Variants in NUBPL observed in about 807,000 individuals in gnomAD.
NUBPL encodes iron-sulfur cluster transfer protein NUBPL.
A neutral mutation model predicts 45.7 loss-of-function variants in NUBPL; 31 were observed. That is an observed-to-expected ratio of 0.68 (90% confidence interval 0.51 to 0.92). NUBPL has a LOEUF of 0.92. NUBPL is among the 40% of genes least tolerant of loss of function. The pLI is 0.00. For synonymous variants in NUBPL, 144 were observed against 140.9 expected, an observed-to-expected ratio of 1.02 and a Z score of -0.15; for missense variants, 401 against 398.7, an observed-to-expected ratio of 1.01 and a Z score of -0.05.
At chr14:31,838,279 C>CAAAAAAAAAAAAAAAAAAA (rs748313330) in intron 8 of NUBPL, among the ~76,000 whole-genome samples, 8 of 60,254 alleles carry the variant, frequency 1.3e-4, no homozygotes, top group African/African-American at 2.0e-4. Context: ...TAATATCCAG[C>CAAAAAAAAAAAAAAAAAAA]AAAAAAAAAA....
intron 6 of NUBPL, among the ~76,000 whole-genome samples, chr14:31,709,278 G>A (rs1238058689): frequency 1.3e-5 from 2 of 152,184 alleles, no homozygotes; most frequent in African/African-American, 4.8e-5. Context: ...AGCCGCTCGA[G>A]GGAGGCAGAA....
At chr14:31,737,648 G>C (rs1004967462) in intron 6 of NUBPL, among the ~76,000 whole-genome samples, 1 of 152,168 alleles carries the variant, frequency 6.6e-6, no homozygotes, top group African/African-American at 2.4e-5. Context: ...GCCGGGCATG[G>C]TGGCAGGTGC....
At chr14:31,686,853 C>A (rs1270836003) in intron 6 of NUBPL, 1 of 152,258 alleles carries the variant, frequency 6.6e-6, no homozygotes, top group African/African-American at 2.4e-5. Flanking sequence ...CTGTGGCTCA[C>A]ACCTGTAATC....
intron 8 of NUBPL, chr14:31,845,775 C>T (rs925204953): frequency 1.3e-5 from 2 of 150,482 alleles, no homozygotes; most frequent in Non-Finnish European, 3.0e-5. Flanking sequence ...ACAAACACTT[C>T]GTTATTTTAG....
At chr14:31,691,829 C>T (rs1595500771) in intron 6 of NUBPL, among the ~76,000 whole-genome samples, 1 of 152,134 alleles carries the variant, frequency 6.6e-6, no homozygotes, top group African/African-American at 2.4e-5. Flanking sequence ...ACCTCTGCAG[C>T]TTCTTCTGAA....
intron 8 of NUBPL, among the ~76,000 whole-genome samples, chr14:31,837,496 C>T (rs1030901028): frequency 3.3e-5 from 5 of 152,008 alleles, no homozygotes; most frequent in African/African-American, 4.8e-5. Context: ...CATGGAAATA[C>T]GAACCACAAA....
intron 4 of NUBPL, among the ~76,000 whole-genome samples, chr14:31,657,435 G>A (rs1018803962): frequency 1.3e-5 from 2 of 152,012 alleles, no homozygotes; most frequent in African/African-American, 2.4e-5. Context: ...AAACAAATTC[G>A]GTTTATATAA....
At chr14:31,702,967 T>A (rs2037371321) in intron 6 of NUBPL, 1 of 152,240 alleles carries the variant, frequency 6.6e-6, no homozygotes, top group Non-Finnish European at 1.5e-5. Context: ...AAACTGTGAT[T>A]CCCTGCAGAC....
At chr14:31,694,349 G>A (rs2139872545) in intron 6 of NUBPL, among the ~76,000 whole-genome samples, 1 of 152,206 alleles carries the variant, frequency 6.6e-6, no homozygotes, top group Admixed American at 6.5e-5. Context: ...TTTGTATAAG[G>A]CAGTATTATT....
At chr14:31,607,079 G>A (rs2034620377) in intron 4 of NUBPL, among the ~76,000 whole-genome samples, 1 of 152,060 alleles carries the variant, frequency 6.6e-6, no homozygotes, top group Admixed American at 6.6e-5. Flanking sequence ...CTAATTTTCA[G>A]TTTAGAAACT....
intron 6 of NUBPL, among the ~76,000 whole-genome samples, chr14:31,718,937 T>A (rs957854204): frequency 1.2e-4 from 18 of 152,190 alleles, no homozygotes; most frequent in African/African-American, 4.1e-4. Context: ...GAGATGCATC[T>A]CAATTTATGA....
At chr14:31,657,244 G>C (rs769575901) in intron 4 of NUBPL, among the ~76,000 whole-genome samples, 6 of 152,138 alleles carry the variant, frequency 3.9e-5, no homozygotes, top group Non-Finnish European at 5.9e-5. Flanking sequence ...ATTGATGACT[G>C]TGCTTTTTAT....
chr14:31,633,604 T>C (rs2035403233), intron 4 of NUBPL, among the ~76,000 whole-genome samples: 1 of 152,190 alleles, frequency 6.6e-6, no homozygotes, highest in Admixed American at 6.6e-5. Flanking sequence ...GTTGTAGATA[T>C]TCAGAGTTAC....
At chr14:31,833,788 T>C (rs73259024) in intron 8 of NUBPL, among the ~76,000 whole-genome samples, 233 of 152,286 alleles carry the variant, frequency 1.5e-3, no homozygotes, top group African/African-American at 5.4e-3. Flanking sequence ...TGTACCTACA[T>C]TGGAGATTTT....
chr14:31,629,559 C>T (rs1211508439), intron 4 of NUBPL, among the ~76,000 whole-genome samples: 4 of 152,084 alleles, frequency 2.6e-5, no homozygotes, highest in African/African-American at 9.7e-5. Context: ...AAAAGTTGTC[C>T]TCAAGCTACT....
intron 4 of NUBPL, among the ~76,000 whole-genome samples, chr14:31,657,551 C>A (rs145248195): frequency 6.6e-6 from 1 of 152,098 alleles, no homozygotes; most frequent in African/African-American, 2.4e-5. Flanking sequence ...TCTTTTTATG[C>A]AGGCAGTCAT....
intron 7 of NUBPL, among the ~76,000 whole-genome samples, chr14:31,822,278 A>G (rs1296919281): frequency 6.6e-6 from 1 of 152,150 alleles, no homozygotes; most frequent in Non-Finnish European, 1.5e-5. Context: ...GCATGCCTGT[A>G]TCAAAACATC....
At chr14:31,739,202 CTA>C (rs1231527068) in intron 6 of NUBPL, among the ~76,000 whole-genome samples, 1 of 135,074 alleles carries the variant, frequency 7.4e-6, no homozygotes, top group Non-Finnish European at 1.6e-5. Flanking sequence ...ATATTATATT[CTA>C]TATATATATT....
Position 31,771,950 on chromosome 14 carries a change from G to A in NUBPL, c.514-15830G>A, listed in dbSNP as rs1012919963. 12 of 853,568 alleles carry A rather than the reference G, an allele frequency of 1.4e-5. No homozygotes were observed. The East Asian group carries it at 1.2e-3, about 87-fold the overall frequency. 52.9% of individuals were successfully genotyped at this position (853,568 alleles called of 1,614,324 possible). On this transcript the variant is annotated intron_variant, in intron 6 of 10. Transcript: ENST00000281081. ...CTAGCATGCAGTATGCTAGTCTAAC[G>A]CAGTAATGTCCTTCAAGTGCTCTAA... is the stretch of plus-strand genomic sequence containing the variant.
Sources: gnomAD v4.1 joint callset for allele counts (sites outside exome capture counted in the v4.1 genomes callset) on GRCh38, gnomAD v4.1.1 for gene constraint, MANE v1.5 for transcripts, NCBI Gene and HGNC (gene_info 2026-07-23, HGNC 2026-07-21) for gene names.